Variants in IGSF11 observed in about 807,000 individuals in gnomAD.
The protein encoded by IGSF11 is immunoglobulin superfamily member 11, also known as CXADR like 1.
In IGSF11, 22 loss-of-function variants were observed where a neutral mutation model predicts 41.0. That is an observed-to-expected ratio of 0.54 (90% CI 0.38 to 0.77). IGSF11 has a LOEUF of 0.77. Among genes scored for constraint, IGSF11 ranks in the 30% least tolerant of loss-of-function variants. The pLI is 0.00. For synonymous variants in IGSF11, 219 were observed against 201.3 expected, an observed-to-expected ratio of 1.09 and a Z score of -0.74; for missense variants, 444 against 530.8, an observed-to-expected ratio of 0.84 and a Z score of 1.61.
At chr3:119,117,389 C>G (rs980345575) in intron 1 of IGSF11, among the ~76,000 whole-genome samples, 7 of 152,290 alleles carry the variant, frequency 4.6e-5, no homozygotes, top group African/African-American at 1.7e-4. Context: ...CAACTCACGT[C>G]TTACATGGAT....
At chr3:119,083,880 T>C (rs946376119) in intron 1 of IGSF11, among the ~76,000 whole-genome samples, 7 of 152,152 alleles carry the variant, frequency 4.6e-5, no homozygotes, top group African/African-American at 1.7e-4. Flanking sequence ...TTTAAAAATT[T>C]AATGTAAATA....
chr3:119,082,305 C>T (rs1245837122), intron 1 of IGSF11, among the ~76,000 whole-genome samples: 1 of 152,120 alleles, frequency 6.6e-6, no homozygotes, highest in East Asian at 1.9e-4. Flanking sequence ...ATAATATCCT[C>T]CACACTTAAC....
chr3:118,953,017 G>C (rs897084030), intron 1 of IGSF11, among the ~76,000 whole-genome samples: 3 of 151,952 alleles, frequency 2.0e-5, no homozygotes, highest in African/African-American at 4.8e-5. Context: ...AGTATACACT[G>C]TATCCAGTAT....
intron 1 of IGSF11, among the ~76,000 whole-genome samples, chr3:118,958,232 C>A (rs1381869604): frequency 2.6e-5 from 4 of 152,116 alleles, no homozygotes; most frequent in Non-Finnish European, 5.9e-5. Context: ...CACAATTAGC[C>A]TTGCCAATGA....
intron 4 of IGSF11, among the ~76,000 whole-genome samples, chr3:118,919,263 T>C (rs1186362756): frequency 5.7e-5 from 8 of 139,376 alleles, no homozygotes; most frequent in Non-Finnish European, 1.1e-4. Flanking sequence ...ACAAATGGGA[T>C]CTAATTAAAC....
intron 1 of IGSF11, among the ~76,000 whole-genome samples, chr3:119,102,493 A>G (rs1008388206): frequency 6.6e-6 from 1 of 152,258 alleles, no homozygotes; most frequent in Non-Finnish European, 1.5e-5. Flanking sequence ...TTGTTTGAAC[A>G]TAACATAAAT....
At chr3:119,130,964 T>A (rs2077473556) in intron 1 of IGSF11, among the ~76,000 whole-genome samples, 3 of 152,194 alleles carry the variant, frequency 2.0e-5, no homozygotes, top group Non-Finnish European at 4.4e-5. Flanking sequence ...CTGAGGGATC[T>A]GACTGTTAAA....
intron 1 of IGSF11, among the ~76,000 whole-genome samples, chr3:119,124,193 T>A (rs985579654): frequency 2.7e-5 from 4 of 150,582 alleles, no homozygotes; most frequent in African/African-American, 9.7e-5. Context: ...AACAAAGAGA[T>A]TGAAATAATT....
At chr3:118,917,012 GTA>G (rs1030439127) in intron 4 of IGSF11, among the ~76,000 whole-genome samples, 46 of 152,240 alleles carry the variant, frequency 3.0e-4, no homozygotes, top group Middle Eastern at 3.4e-3. Context: ...TGACTACTGG[GTA>G]CATAAGGAAA....
At chr3:119,087,379 C>A (rs1360413330) in intron 1 of IGSF11, among the ~76,000 whole-genome samples, 1 of 145,918 alleles carries the variant, frequency 6.9e-6, no homozygotes, top group Non-Finnish European at 1.5e-5. Context: ...GTTATACACA[C>A]ACACACACAC....
At chr3:119,004,119 T>C (rs1056189828) in intron 1 of IGSF11, among the ~76,000 whole-genome samples, 1 of 149,582 alleles carries the variant, frequency 6.7e-6, no homozygotes, top group African/African-American at 2.5e-5. Flanking sequence ...GGTAAACTAT[T>C]GATTATTGCC....
intron 1 of IGSF11, among the ~76,000 whole-genome samples, chr3:119,042,201 T>C (rs1941142503): frequency 6.6e-6 from 1 of 152,188 alleles, no homozygotes; most frequent in Non-Finnish European, 1.5e-5. Flanking sequence ...AAGCCATTCC[T>C]GGCCTTATCT....
Position 119,142,168 on chromosome 3 carries a change from G to C in IGSF11, c.-14+3645C>G, listed in dbSNP as rs564810445. On this transcript the variant is annotated intron_variant, in intron 1 of 7. Transcript: ENST00000425327. The stretch of plus-strand genomic sequence containing the variant: ...CGGGCACCTGTAGTCCCAGCTACTC[G>C]GGAGGCTGAAGCAGGAGAATGGCGT... 2.2e-4 allele frequency among the ~76,000 whole-genome samples: 34 copies of C among 151,668 alleles called. No homozygotes were observed. In the South Asian group the frequency reaches 6.9e-3, roughly 31 times the overall value.
chr3:119,020,397 A>G (rs1939172536), intron 1 of IGSF11, among the ~76,000 whole-genome samples: 1 of 152,228 alleles, frequency 6.6e-6, no homozygotes, highest in African/African-American at 2.4e-5. Flanking sequence ...CACAGCATAC[A>G]GACTCCAAAG....
At chr3:118,969,479 C>T (rs189045708) in intron 1 of IGSF11, among the ~76,000 whole-genome samples, 20 of 152,190 alleles carry the variant, frequency 1.3e-4, no homozygotes, top group Admixed American at 7.8e-4. Context: ...AACAATGAAG[C>T]GGACACAGAG....
At chr3:119,008,788 C>T (rs527593304) in intron 1 of IGSF11, among the ~76,000 whole-genome samples, 2 of 152,122 alleles carry the variant, frequency 1.3e-5, no homozygotes, top group African/African-American at 4.8e-5. Context: ...ATGAGATTAA[C>T]ATTTAAGTCA....
chr3:119,055,607 T>C (rs1941801022), intron 1 of IGSF11, among the ~76,000 whole-genome samples: 1 of 152,192 alleles, frequency 6.6e-6, no homozygotes, highest in African/African-American at 2.4e-5. Context: ...AACTCAGCTC[T>C]GCACCAAGCA....
chr3:119,105,071 T>C, intron 1 of IGSF11: 1 of 955,770 alleles, frequency 1.0e-6, no homozygotes, highest in Non-Finnish European at 1.7e-6. Context: ...ACAAAAAGCC[T>C]TTCACTCAGC....
intron 1 of IGSF11, among the ~76,000 whole-genome samples, chr3:119,081,619 C>G (rs2076587446): frequency 6.6e-6 from 1 of 152,238 alleles, no homozygotes; most frequent in Admixed American, 6.5e-5. Flanking sequence ...TCAACACTTA[C>G]AAATTGTATG....
Sources: gnomAD v4.1 joint callset for allele counts (sites outside exome capture counted in the v4.1 genomes callset) on GRCh38, gnomAD v4.1.1 for gene constraint, MANE v1.5 for transcripts, NCBI Gene and HGNC (gene_info 2026-07-23, HGNC 2026-07-21) for gene names.